Variants in EMC10 observed in about 807,000 individuals in gnomAD.
The protein encoded by EMC10 is UPF0510 protein INM02.
A neutral mutation model predicts 32.2 loss-of-function variants in EMC10; 40 were observed. The observed-to-expected ratio is 1.24, with a 90% CI of 0.96 to 1.61. EMC10 has a LOEUF of 1.61. Among genes scored for constraint, EMC10 ranks in the 40% most tolerant of loss-of-function variants. EMC10 has a pLI of 0.00. For missense variants in EMC10, 402 were observed against 357.7 expected (o/e 1.12, Z -1.00); for synonymous variants, 178 against 158.4 (o/e 1.12, Z -0.93).
At position 50,480,493 on chromosome 19, in the gene EMC10, CG is replaced by C; in HGVS notation, c.403-83del. On this transcript the variant is annotated intron_variant, in intron 4 of 6. Transcript: ENST00000334976. This position sits in a 1 kb window ranked among gnomAD's most constrained non-coding sequence, Gnocchi z 4.4. ...CATGGGAAGGTTTTGAAAAATGCTC[CG>C]GGGGTCCTGTGGTGGGGGCCGGGGG... The C allele has an allele frequency of 2.8e-6, 4 of 1,449,578 alleles. No homozygotes were observed. The highest frequency in any genetic ancestry group is 1.9e-6 in the Non-Finnish European group (2 of 1,077,242). 89.8% of individuals were successfully genotyped at this position (1,449,578 alleles called of 1,614,324 possible). A position where few individuals can be genotyped will look rare whatever the true frequency, so the allele number is the denominator to read the frequency against.
chr19:50,482,184 G>C lies in EMC10; in HGVS notation c.714G>C (p.Met238Ile), dbSNP rs763546163. The C allele has an allele frequency of 3.3e-6, 5 of 1,495,526 alleles. No individual in the cohort carries two copies. The highest frequency in any genetic ancestry group is 4.6e-6 in the Non-Finnish European group (5 of 1,094,844). The allele number at this position is 1,495,526 out of a possible 1,614,324, so 92.6% of individuals were successfully genotyped here. ...TCATTCCCGTCGTCCTGTTCCTCAT[G>C]ATGTCAGGAGCGCCAGACACCGGGG... ...MYIIPVVLFL[M>I]MSGAPDTGGQ... The change falls in exon 7 of 7, where the codon ATG becomes ATC. Residue 238 changes from methionine (M) to isoleucine (I), a missense_variant. Met to Ile is a conservative substitution (Grantham distance 10). Coordinates refer to ENST00000334976, the MANE Select transcript of EMC10 (RefSeq NM_206538.4).
intron 1 of EMC10, 80 bp from the exon 2 acceptor site, chr19:50,477,826 CTCCTCCCTCAGCCCACCAGTCTG>C: frequency 1.3e-6 from 1 of 796,782 alleles, no homozygotes; most frequent in Non-Finnish European, 2.0e-6. Context: ...GAAGATAAGG[CTCCTCCCTCAGCCCACCAGTCTG>C]TCTGTCCTGG....
rs373053492 is a variant in EMC10, at chr19:50,480,229, G to T, written c.402+14G>T. On this transcript the variant is annotated intron_variant, in intron 4 of 6. Transcript: ENST00000334976. The surrounding 1 kb of genome is among the most constrained non-coding windows in gnomAD (Gnocchi z 4.4). Reference sequence around the variant, plus strand: ...TTTGTCCCTGCGGTGAGTTGGTGTCGGGGATGAGCCCCCTTCTCCCTCGTC... The same window carrying T: ...TTTGTCCCTGCGGTGAGTTGGTGTCTGGGATGAGCCCCCTTCTCCCTCGTC... 6.2e-7 allele frequency: 1 copy of T among 1,607,520 alleles called. No individual in the cohort carries two copies. Among genetic ancestry groups the T allele is most frequent in the South Asian group, 1.1e-5 (1 of 90,106 alleles).
chr19:50,478,854 C>T (rs916576672), intron 2 of EMC10, 103 bp from the exon 3 acceptor site: 23 of 768,312 alleles, frequency 3.0e-5, no homozygotes, highest in East Asian at 5.6e-5. Context: ...CCTGGTCACT[C>T]GGGTGGAGGC....
intron 1 of EMC10, chr19:50,476,959 T>G (rs2040235892): frequency 6.4e-6 from 2 of 314,650 alleles, no homozygotes; most frequent in Non-Finnish European, 1.2e-5. Flanking sequence ...GCGGTTGAAA[T>G]GAAAGAGGCA....
At chr19:50,481,603 T>G in intron 6 of EMC10, 1 of 519,766 alleles carries the variant, frequency 1.9e-6, no homozygotes, top group Non-Finnish European at 3.4e-6. Context: ...CGAAGAGGTC[T>G]GTGTGGCCCG....
Position 50,476,574 on chromosome 19 carries a change from G to T in EMC10, c.30G>T (p.Arg10=). 1 of 1,575,162 alleles carries T rather than the reference G, an allele frequency of 6.3e-7. No homozygotes were observed. The highest frequency in any genetic ancestry group is 1.8e-5 in the Admixed American group (1 of 56,382). ...CGGCAGCCAGCGCTGGGGCAACCCG[G>T]CTGCTCCTGCTCTTGCTGATGGCGG... MAAASAGAT[R]LLLLLLMAVA... Residue 10 remains arginine (R), a synonymous_variant, in exon 1 of 7, where the codon CGG becomes CGT. Coordinates refer to ENST00000334976, the MANE Select transcript of EMC10 (RefSeq NM_206538.4).
chr19:50,478,104 C>T, intron 2 of EMC10, 103 bp downstream of exon 2: 1 of 929,218 alleles, frequency 1.1e-6, no homozygotes, highest in Non-Finnish European at 1.6e-6. Flanking sequence ...TACTAACAAC[C>T]ATTTACTAAC....
chr19:50,482,111 T>G, intron 6 of EMC10, 38 bp from the exon 7 acceptor site: 3 of 1,388,824 alleles, frequency 2.2e-6, no homozygotes, highest in Non-Finnish European at 3.1e-6. Context: ...CTCTCTCTCT[T>G]TCTGTGTCTG....
rs531356234 is a variant in EMC10 at position 50,479,160 on chromosome 19, C to T, written c.297+94C>T. ...CCCTGCTGGTCCCCAGCAGCCTTCC[C>T]TCCAGGCCCAGGTGGGCTCCCAGCA... On this transcript the variant is annotated intron_variant, in intron 3 of 6. Transcript: ENST00000334976. The T allele has an allele frequency of 2.3e-3, 2,278 of 1,006,922 alleles. 4 individuals carry two copies. The highest frequency in any genetic ancestry group is 3.1e-3 in the Non-Finnish European group (2,114 of 673,712). 62.4% of individuals were successfully genotyped at this position (1,006,922 alleles called of 1,614,324 possible). A position where few individuals can be genotyped will look rare whatever the true frequency, so the allele number is the denominator to read the frequency against.
Position 50,483,151 on chromosome 19 carries a change from A to G in EMC10, c.*892A>G, listed in dbSNP as rs1216157759. 2.2e-6 allele frequency: 1 copy of G among 461,262 alleles called. No homozygotes were observed. The highest frequency in any genetic ancestry group is 4.3e-6 in the Non-Finnish European group (1 of 230,438). 28.6% of individuals were successfully genotyped at this position (461,262 alleles called of 1,614,324 possible). A position where few individuals can be genotyped will look rare whatever the true frequency, so the allele number is the denominator to read the frequency against. On this transcript the variant is annotated 3_prime_UTR_variant, in exon 7 of 7. Transcript: ENST00000334976. The stretch of plus-strand genomic sequence containing the variant: ...TACATTGAAATGTGTGAACGTTTTG[A>G]AAAGCTACAGCTTCCAGCAGCCAAA...
Position 50,482,832 on chromosome 19 carries a change from C to A in EMC10, c.*573C>A. The A allele has an allele frequency of 1.9e-6, 1 of 523,758 alleles. No individual in the cohort carries two copies. Among genetic ancestry groups the A allele is most frequent in the Non-Finnish European group, 3.4e-6 (1 of 297,900 alleles). The allele number at this position is 523,758 out of a possible 1,614,324, so 32.4% of individuals were successfully genotyped here. A position where few individuals can be genotyped will look rare whatever the true frequency, so the allele number is the denominator to read the frequency against. On this transcript the variant is annotated 3_prime_UTR_variant, in exon 7 of 7. Coordinates refer to ENST00000334976, the MANE Select transcript of EMC10 (RefSeq NM_206538.4). ...CTGGATGGCCGGGGGCTTCTGGGCC[C>A]GACGCCTAGTGCAGCCCCTGGGGTC...
chr19:50,478,097 T>C (rs1420158003), intron 2 of EMC10, 96 bp downstream of exon 2: 2 of 1,011,780 alleles, frequency 2.0e-6, no homozygotes, highest in African/African-American at 1.7e-5. Context: ...TGACATTTAC[T>C]AACAACCATT....
In EMC10 at chr19:50,489,464, G is replaced by T. The variant is rs556028016; in HGVS notation, c.*7205G>T. On this transcript the variant is annotated 3_prime_UTR_variant, in exon 7 of 7. Coordinates refer to ENST00000334976, the MANE Select transcript of EMC10 (RefSeq NM_206538.4). Reference sequence around the variant, plus strand: ...CTAAGACAGCGTCAGCCCAGAGACCGGGGCAGGAAGCAGGAACGTGAAGCA... The same window carrying T: ...CTAAGACAGCGTCAGCCCAGAGACCTGGGCAGGAAGCAGGAACGTGAAGCA... 3.9e-5 allele frequency: 6 copies of T among 152,636 alleles called. 1 individual carries two copies. The highest frequency in any genetic ancestry group is 4.1e-4 in the South Asian group (2 of 4,852). 9.5% of individuals were successfully genotyped at this position (152,636 alleles called of 1,614,324 possible).
intron 3 of EMC10, 112 bp downstream of exon 3, chr19:50,479,178 T>C: frequency 1.3e-6 from 1 of 756,316 alleles, no homozygotes; most frequent in South Asian, 1.7e-5. Flanking sequence ...CCAGGTGGGC[T>C]CCCAGCACCA....
chr19:50,481,181 T>G (rs2040314169), intron 6 of EMC10: 2 of 543,994 alleles, frequency 3.7e-6, no homozygotes, highest in Middle Eastern at 4.5e-4. Flanking sequence ...TCGGGCCAGC[T>G]CTAGGGCGCA....
At position 50,478,992 on chromosome 19, in the gene EMC10, C is replaced by T. The variant is rs1394050262; in HGVS notation, c.223C>T (p.Leu75Phe). ...SANFRKRGSL[L>F]WNQQDGTLSL... ...CAACTTCCGGAAGCGGGGCTCACTGCTCTGGAACCAGCAGGATGGTACCTT... is the reference window on the plus strand; with the variant it reads ...CAACTTCCGGAAGCGGGGCTCACTGTTCTGGAACCAGCAGGATGGTACCTT... The change falls in exon 3 of 7, where the codon CTC (leucine) becomes TTC (phenylalanine). Residue 75 changes from leucine (L) to phenylalanine (F), a missense_variant. Coordinates refer to ENST00000334976, the MANE Select transcript of EMC10 (RefSeq NM_206538.4). 19 of 1,611,330 alleles carry T rather than the reference C, an allele frequency of 1.2e-5. No individual in the cohort carries two copies. The highest frequency in any genetic ancestry group is 1.5e-5 in the Non-Finnish European group (18 of 1,179,508).
rs2040274960 is a variant in EMC10 at position 50,479,020 on chromosome 19, C to T, written c.251C>T (p.Ser84Phe). The change falls in exon 3 of 7, where the codon TCC becomes TTC. Residue 84 changes from serine to phenylalanine, a missense_variant. By Grantham distance (155) the Ser-to-Phe change is radical. Transcript: ENST00000334976. ...LLWNQQDGTLSLSQRQLSEEE... is the reference protein window; with the variant it reads ...LLWNQQDGTLFLSQRQLSEEE... Reference sequence around the variant, plus strand: ...TGGAACCAGCAGGATGGTACCTTGTCCCTGTCACAGCGGCAGCTCAGCGAG... The same window carrying T: ...TGGAACCAGCAGGATGGTACCTTGTTCCTGTCACAGCGGCAGCTCAGCGAG... 5 of 1,611,108 alleles carry T rather than the reference C, an allele frequency of 3.1e-6. No individual in the cohort carries two copies. Among genetic ancestry groups the T allele is most frequent in the Non-Finnish European group, 3.4e-6 (4 of 1,179,524 alleles).
At chr19:50,481,182 C>G (rs1182029091) in intron 6 of EMC10, 1 of 544,260 alleles carries the variant, frequency 1.8e-6, no homozygotes, top group Non-Finnish European at 3.3e-6. Context: ...CGGGCCAGCT[C>G]TAGGGCGCAG....
Sources: allele counts gnomAD v4.1 joint callset, GRCh38; gene constraint gnomAD v4.1.1; non-coding constraint Gnocchi (gnomAD v3.1); transcripts MANE v1.5; gene names NCBI Gene and HGNC (gene_info 2026-07-23, HGNC 2026-07-21).